Variants in COL25A1 observed in about 807,000 individuals in gnomAD.
COL25A1 encodes collagen alpha-1(XXV) chain.
In COL25A1, 103 loss-of-function variants were observed where a neutral mutation model predicts 128.4. The ratio of observed to expected loss-of-function variants is 0.80; its 90% CI spans 0.68 to 0.94. COL25A1 has a LOEUF of 0.94. Ranked by LOEUF, COL25A1 falls within the 40% of genes least tolerant of loss-of-function variation. COL25A1 has a pLI of 0.00. For synonymous variants in COL25A1, 279 were observed against 277.2 expected (o/e 1.01, Z -0.06); for missense variants, 745 against 840.0 (o/e 0.89, Z 1.40).
chr4:109,045,237 T>C (rs1274213961), intron 5 of COL25A1, among the ~76,000 whole-genome samples: 1 of 152,174 alleles, frequency 6.6e-6, no homozygotes, highest in Non-Finnish European at 1.5e-5. Context: ...TTTCTGTCAA[T>C]AGTAGGTTAT....
intron 6 of COL25A1, among the ~76,000 whole-genome samples, chr4:108,992,888 T>G (rs1239592563): frequency 6.6e-6 from 1 of 152,170 alleles, no homozygotes; most frequent in Non-Finnish European, 1.5e-5. Flanking sequence ...ATTATATGTA[T>G]TCTGAGTCTC....
intron 3 of COL25A1, among the ~76,000 whole-genome samples, chr4:109,226,103 T>C (rs930360592): frequency 6.6e-6 from 1 of 152,100 alleles, no homozygotes; most frequent in Non-Finnish European, 1.5e-5. Flanking sequence ...CTGGAGACCA[T>C]TGTTTTAAGT....
chr4:108,852,149 T>G, intron 26 of COL25A1, 87 bp downstream of exon 26: 1 of 1,059,060 alleles, frequency 9.4e-7, no homozygotes, highest in African/African-American at 1.6e-5. Context: ...CAGCATTTTG[T>G]AAGACTGATT....
At chr4:108,836,121 C>T (rs113111160) in intron 31 of COL25A1, among the ~76,000 whole-genome samples, 21 of 151,774 alleles carry the variant, frequency 1.4e-4, no homozygotes, top group African/African-American at 4.6e-4. Flanking sequence ...CCGCCCACCT[C>T]GGCCTCCCAA....
intron 35 of COL25A1, chr4:108,819,910 A>C: frequency 8.5e-7 from 1 of 1,181,538 alleles, no homozygotes; most frequent in Non-Finnish European, 1.1e-6. Flanking sequence ...TGTGGATACA[A>C]GGGTTTAAAT....
intron 6 of COL25A1, among the ~76,000 whole-genome samples, chr4:108,985,260 G>A (rs182432225): frequency 1.3e-5 from 2 of 152,238 alleles, no homozygotes; most frequent in Admixed American, 1.3e-4. Context: ...TCCCAGCCTT[G>A]CCCCAGTTAC....
chr4:108,938,149 T>C (rs200598092), intron 10 of COL25A1, among the ~76,000 whole-genome samples: 1 of 152,180 alleles, frequency 6.6e-6, no homozygotes, highest in Non-Finnish European at 1.5e-5. Flanking sequence ...TTGCTCTTAG[T>C]GCAGGTGTTT....
intron 20 of COL25A1, among the ~76,000 whole-genome samples, chr4:108,865,420 AG>A (rs1413453793): frequency 6.6e-6 from 1 of 152,194 alleles, no homozygotes; most frequent in Non-Finnish European, 1.5e-5. Context: ...TTAAAGACTC[AG>A]GTTTCTTAAC....
At chr4:109,239,390 GTGTGTATATATATATA>G (rs1330138474) in intron 3 of COL25A1, among the ~76,000 whole-genome samples, 14 of 106,768 alleles carry the variant, frequency 1.3e-4, no homozygotes, top group African/African-American at 4.1e-4. Context: ...GTGTGTGTGT[GTGTGTATATATATATA>G]TATATATATA....
intron 6 of COL25A1, among the ~76,000 whole-genome samples, chr4:108,976,037 C>T (rs1752400094): frequency 6.6e-6 from 1 of 152,088 alleles, no homozygotes; most frequent in Non-Finnish European, 1.5e-5. Context: ...TTGATGAACA[C>T]CTCTGAGTTC....
intron 5 of COL25A1, among the ~76,000 whole-genome samples, chr4:109,034,969 C>G (rs983351650): frequency 1.3e-5 from 2 of 152,100 alleles, no homozygotes; most frequent in African/African-American, 4.8e-5. Context: ...TAAAGTCAAA[C>G]AACATTTATC....
intron 25 of COL25A1, 104 bp downstream of exon 25, chr4:108,852,798 A>C: frequency 1.2e-6 from 1 of 824,566 alleles, no homozygotes; most frequent in East Asian, 2.6e-5. Context: ...ACATAAAATT[A>C]AGTATCAGAT....
intron 8 of COL25A1, among the ~76,000 whole-genome samples, chr4:108,972,850 T>C (rs1370089473): frequency 6.6e-6 from 1 of 152,186 alleles, no homozygotes; most frequent in Non-Finnish European, 1.5e-5. Context: ...TAGTTTGTAA[T>C]GCAACATGAA....
chr4:109,013,123 T>A (rs551976764), intron 5 of COL25A1, among the ~76,000 whole-genome samples: 297 of 152,286 alleles, frequency 2.0e-3, no homozygotes, highest in African/African-American at 6.9e-3. Context: ...GCACTCTGTG[T>A]CTAGCTCAAA....
chr4:108,829,665 A>C (rs1732849113), intron 32 of COL25A1, among the ~76,000 whole-genome samples: 1 of 151,698 alleles, frequency 6.6e-6, no homozygotes, highest in African/African-American at 2.4e-5. Flanking sequence ...AAACAAATAT[A>C]CTATGGCTTA....
chr4:108,878,603 A>G (rs1739735663), intron 19 of COL25A1, among the ~76,000 whole-genome samples: 2 of 152,210 alleles, frequency 1.3e-5, no homozygotes, highest in Non-Finnish European at 2.9e-5. Flanking sequence ...ATGAGAAAGT[A>G]GAGTCTGCCC....
intron 3 of COL25A1, among the ~76,000 whole-genome samples, chr4:109,067,560 G>A (rs1640226725): frequency 6.6e-6 from 1 of 152,126 alleles, no homozygotes; most frequent in African/African-American, 2.4e-5. Flanking sequence ...TCATCGTGTT[G>A]GGGAACATTT....
intron 3 of COL25A1, among the ~76,000 whole-genome samples, chr4:109,134,617 A>G (rs1373551708): frequency 6.6e-6 from 1 of 152,146 alleles, no homozygotes; most frequent in African/African-American, 2.4e-5. Flanking sequence ...GCTAAGAAGA[A>G]TATCACCCGG....
intron 35 of COL25A1, chr4:108,819,788 G>C: frequency 8.5e-7 from 1 of 1,174,460 alleles, no homozygotes. Context: ...AACATCTGGA[G>C]ACAGTTCCAC....
Sources: gnomAD v4.1 joint callset for allele counts (sites outside exome capture counted in the v4.1 genomes callset) on GRCh38, gnomAD v4.1.1 for gene constraint, MANE v1.5 for transcripts, NCBI Gene and HGNC (gene_info 2026-07-23, HGNC 2026-07-21) for gene names.